The following BRWD3 variants were observed in gnomAD, a reference collection of about 807,000 sequenced individuals.
The protein encoded by BRWD3 is bromodomain and WD repeat-containing protein 3.
A neutral mutation model predicts 149.7 loss-of-function variants in BRWD3; 10 were observed. The ratio of observed to expected loss-of-function variants is 0.07; its 90% CI spans 0.04 to 0.11. The LOEUF is 0.11. Among genes scored for constraint, BRWD3 ranks in the 10% least tolerant of loss-of-function variants. The pLI, the probability that BRWD3 is intolerant of heterozygous loss-of-function variation, is 1.00. For synonymous variants in BRWD3, 504 were observed against 456.7 expected, an observed-to-expected ratio of 1.10 and a Z score of -1.32; for missense variants, 940 against 1,373.2, an observed-to-expected ratio of 0.68 and a Z score of 4.99.
intron 6 of BRWD3, among the ~76,000 whole-genome samples, chrX:80,778,476 A>G (rs1430837586): frequency 8.9e-6 from 1 of 111,829 alleles, no homozygotes. Context: ...GGCTCAGCCA[A>G]TAACTACTGA....
At chrX:80,699,509 T>C (rs1187878671) in intron 25 of BRWD3, among the ~76,000 whole-genome samples, 1 of 111,556 alleles carries the variant, frequency 9.0e-6, no homozygotes, top group South Asian at 3.7e-4. Context: ...GCCACATGGG[T>C]ATTATATATG....
chrX:80,709,372 T>C (rs1416454069), intron 21 of BRWD3, 56 bp downstream of exon 21: 8 of 1,070,573 alleles, frequency 7.5e-6, no homozygotes, highest in Non-Finnish European at 9.0e-6. Context: ...CCCAAATGGA[T>C]GATACAAACT....
At chrX:80,776,863 CCAAT>C (rs1297183475) in intron 6 of BRWD3, among the ~76,000 whole-genome samples, 1 of 111,209 alleles carries the variant, frequency 9.0e-6, no homozygotes, top group African/African-American at 3.3e-5. Context: ...TTAACAGCCA[CCAAT>C]CTAGAACTGA....
chrX:80,733,009 A>G (rs1192874532), intron 12 of BRWD3: 1 of 112,684 alleles, frequency 8.9e-6, no homozygotes, highest in Non-Finnish European at 1.8e-5. Context: ...ATGCACCTGT[A>G]ATCCCAGCTA....
chrX:80,800,539 C>CAAAAAA (rs56396812), intron 4 of BRWD3, among the ~76,000 whole-genome samples: 1 of 33,482 alleles, frequency 3.0e-5, no homozygotes. Flanking sequence ...GATGCTGTCT[C>CAAAAAA]AAAAAAAAAA....
rs903389152 is a variant in BRWD3 at position 80,690,014 on chromosome X, T to G, written c.3681A>C (p.Ile1227=). Residue 1227 remains isoleucine, a synonymous_variant, in exon 32 of 41, where the codon ATA becomes ATC. Transcript: ENST00000373275. ...ARTFNEPDSP[I]VKAAKIVTDV... ...CAGTTACAATTTTAGCTGCTTTAAC[T>G]ATAGGACTGTCTGGCTCATTGAAAG... The G allele has an allele frequency of 1.7e-6, 2 of 1,208,192 alleles. No homozygotes were observed. Among genetic ancestry groups the G allele is most frequent in the Non-Finnish European group, 2.2e-6 (2 of 892,543 alleles).
At chrX:80,732,505 A>G (rs766701550) in intron 12 of BRWD3, among the ~76,000 whole-genome samples, 1 of 111,333 alleles carries the variant, frequency 9.0e-6, no homozygotes, top group Non-Finnish European at 1.9e-5. Context: ...TGAACCGTAA[A>G]AGGAAGATAA....
intron 8 of BRWD3, among the ~76,000 whole-genome samples, chrX:80,738,545 G>A (rs2073438192): frequency 9.5e-6 from 1 of 105,415 alleles, no homozygotes; most frequent in African/African-American, 3.5e-5. Flanking sequence ...AACATGTAAA[G>A]AATACCAAAA....
At chrX:80,756,502 C>CAA (rs974549325) in intron 6 of BRWD3, among the ~76,000 whole-genome samples, 8,398 of 41,270 alleles carry the variant, frequency 0.2, 1,577 homozygotes, top group South Asian at 0.52. Flanking sequence ...AACTCTGTCT[C>CAA]AAAAAAAAAA....
chrX:80,689,550 C>G (rs2072583388), intron 33 of BRWD3, among the ~76,000 whole-genome samples: 1 of 111,502 alleles, frequency 9.0e-6, no homozygotes, highest in African/African-American at 3.3e-5. Context: ...TCCACTGTGT[C>G]AAATATGATG....
chrX:80,715,068 A>G (rs751622096), intron 20 of BRWD3, among the ~76,000 whole-genome samples: 2 of 111,721 alleles, frequency 1.8e-5, no homozygotes, highest in African/African-American at 3.3e-5. Context: ...GTGTATGTAA[A>G]TGTTTCACAT....
intron 6 of BRWD3, among the ~76,000 whole-genome samples, chrX:80,755,002 C>A (rs778077770): frequency 2.7e-5 from 3 of 110,481 alleles, no homozygotes; most frequent in Non-Finnish European, 5.7e-5. Context: ...AGCGAAACTC[C>A]GTCTCAAATT....
chrX:80,804,513 C>T (rs2074331615), intron 4 of BRWD3, among the ~76,000 whole-genome samples: 1 of 112,040 alleles, frequency 8.9e-6, no homozygotes, highest in Non-Finnish European at 1.9e-5. Flanking sequence ...GCTGGGATTA[C>T]AGGCATGAGC....
chrX:80,731,015 T>TA (rs1180887027), intron 12 of BRWD3, among the ~76,000 whole-genome samples: 3 of 111,828 alleles, frequency 2.7e-5, no homozygotes, highest in African/African-American at 9.7e-5. Context: ...CATCTCTATA[T>TA]AATCTTTGTA....
At chrX:80,726,132 T>G (rs1231434612) in intron 14 of BRWD3, among the ~76,000 whole-genome samples, 1 of 109,302 alleles carries the variant, frequency 9.1e-6, no homozygotes, top group Non-Finnish European at 1.9e-5. Flanking sequence ...ATAACACGTT[T>G]ACATATGTCT....
intron 8 of BRWD3, among the ~76,000 whole-genome samples, chrX:80,738,346 C>T (rs939057503): frequency 1.8e-5 from 2 of 111,439 alleles, no homozygotes; most frequent in Non-Finnish European, 3.8e-5. Flanking sequence ...CTGTTTAATA[C>T]ATACCTATTG....
chrX:80,711,438 A>G (rs931946547), intron 20 of BRWD3, among the ~76,000 whole-genome samples: 9 of 112,069 alleles, frequency 8.0e-5, no homozygotes, highest in Non-Finnish European at 1.7e-4. Context: ...GGAAATCAAA[A>G]TATTTTAACC....
chrX:80,673,964 G>A lies in BRWD3; in HGVS notation c.*2645C>T, dbSNP rs1196843662. The stretch of plus-strand genomic sequence containing the variant: ...TAATTACAACACATTCACAGGAGGT[G>A]GTATTACAAGAAAGCAAAGTGTAAA... On this transcript the variant is annotated 3_prime_UTR_variant, in exon 41 of 41. Transcript: ENST00000373275. The A allele has an allele frequency of 9.1e-6, 1 of 110,361 alleles. No homozygotes were observed. 9.1% of individuals were successfully genotyped at this position (110,361 alleles called of 1,213,427 possible). A position where few individuals can be genotyped will look rare whatever the true frequency, so the allele number is the denominator to read the frequency against.
At chrX:80,782,804 C>T (rs188083589) in intron 6 of BRWD3, among the ~76,000 whole-genome samples, 107 of 109,860 alleles carry the variant, frequency 9.7e-4, no homozygotes, top group African/African-American at 3.5e-3. Flanking sequence ...ATCAGGAAGC[C>T]GAGGCAGGAA....
Sources: gnomAD v4.1 joint callset for allele counts (sites outside exome capture counted in the v4.1 genomes callset) on GRCh38, gnomAD v4.1.1 for gene constraint, MANE v1.5 for transcripts, NCBI Gene and HGNC (gene_info 2026-07-23, HGNC 2026-07-21) for gene names.